NHSL2: variants seen among roughly 807,000 people sequenced by gnomAD.
NHSL2 encodes the protein NHS-like protein 2.
In NHSL2, 27 loss-of-function variants were observed where a neutral mutation model predicts 53.4. That is an observed-to-expected ratio of 0.51 (90% CI 0.37 to 0.70). The LOEUF (loss-of-function observed/expected upper bound fraction) is 0.70. NHSL2 is among the 30% of genes least tolerant of loss of function. The probability of loss-of-function intolerance (pLI) is 0.00; values close to 1 mark genes in which losing one functional copy is unlikely to be tolerated. For missense variants in NHSL2, 892 were observed against 980.1 expected (o/e 0.91, Z 1.20); for synonymous variants, 408 against 404.1 (o/e 1.01, Z -0.12).
At chrX:71,984,612 A>G (rs2041994837) in intron 1 of NHSL2, among the ~76,000 whole-genome samples, 1 of 111,881 alleles carries the variant, frequency 8.9e-6, no homozygotes, top group African/African-American at 3.2e-5. Flanking sequence ...CTTAAAAACA[A>G]CTAATGAGAC....
intron 1 of NHSL2, among the ~76,000 whole-genome samples, chrX:71,923,097 G>A: frequency 8.9e-6 from 1 of 111,763 alleles, no homozygotes. Flanking sequence ...TAGTGAAGGA[G>A]AAGGTTCTCT....
At chrX:72,056,547 T>C (rs891779823) in intron 1 of NHSL2, among the ~76,000 whole-genome samples, 3 of 107,750 alleles carry the variant, frequency 2.8e-5, no homozygotes, top group African/African-American at 1.1e-4. Context: ...TTATTTAACG[T>C]CTGCGCACAC....
Position 72,134,673 on chromosome X carries a change from G to T in NHSL2, c.729G>T (p.Thr243=), listed in dbSNP as rs180677846. The T allele has an allele frequency of 1.6e-4, 187 of 1,165,529 alleles. No homozygotes were observed. Among genetic ancestry groups the T allele is most frequent in the Non-Finnish European group, 2.0e-4 (177 of 871,460 alleles). Residue 243 remains threonine, a synonymous_variant, in exon 4 of 8, where the codon ACG becomes ACT. Coordinates refer to ENST00000633930, the MANE Select transcript of NHSL2 (RefSeq NM_001013627.3). The stretch of plus-strand genomic sequence containing the variant: ...AGCGGTGGCCTCAGCTTTGCTCCAC[G>T]CAGTCTGACATTGTGCCCATCAACA... ...EEKRWPQLCS[T]QSDIVPINIS...
intron 1 of NHSL2, among the ~76,000 whole-genome samples, chrX:72,100,252 C>T (rs753152507): frequency 2.7e-5 from 3 of 111,876 alleles, no homozygotes; most frequent in Non-Finnish European, 5.6e-5. Context: ...AGTGTACTTA[C>T]ACAGACCTAG....
At position 71,946,367 on chromosome X, in the gene NHSL2, C is replaced by T. The variant is rs1156259736; in HGVS notation, c.280+35000C>T. Among the ~76,000 whole-genome samples the T allele has an allele frequency of 3.6e-5, 4 of 112,143 alleles. 1 individual carries two copies. Among genetic ancestry groups the T allele is most frequent in the Admixed American group, 2.8e-4 (3 of 10,603 alleles). On this transcript the variant is annotated intron_variant, in intron 1 of 7. Coordinates refer to ENST00000633930, the MANE Select transcript of NHSL2 (RefSeq NM_001013627.3). ...AGAATTTTGCAAGCTGGTTATCAGA[C>T]CATTGGTCACTTCAAATTGGGTCAT...
chrX:71,915,336 G>A (rs915882415), intron 1 of NHSL2, among the ~76,000 whole-genome samples: 1 of 111,044 alleles, frequency 9.0e-6, no homozygotes, highest in African/African-American at 3.3e-5. Flanking sequence ...ATCTGTTCCT[G>A]TACCTCTCTG....
chrX:72,069,385 G>A (rs994695620), intron 1 of NHSL2, among the ~76,000 whole-genome samples: 8 of 108,802 alleles, frequency 7.4e-5, no homozygotes, highest in African/African-American at 2.0e-4. Flanking sequence ...GAGCAAGGGG[G>A]AGGGGGAAAG....
chrX:72,038,096 A>G (rs761971756), intron 1 of NHSL2, among the ~76,000 whole-genome samples: 1 of 112,120 alleles, frequency 8.9e-6, no homozygotes, highest in Non-Finnish European at 1.9e-5. Context: ...TCTGGGACCT[A>G]GTCACATTTC....
chrX:71,945,644 C>T (rs2041788983), intron 1 of NHSL2, among the ~76,000 whole-genome samples: 1 of 112,049 alleles, frequency 8.9e-6, no homozygotes, highest in Non-Finnish European at 1.9e-5. Flanking sequence ...TAAGAGTTTA[C>T]TGAAGGAGAT....
At chrX:71,978,676 G>A (rs1346112090) in intron 1 of NHSL2, among the ~76,000 whole-genome samples, 1 of 108,154 alleles carries the variant, frequency 9.2e-6, no homozygotes, top group East Asian at 2.9e-4. Context: ...CCTATCTTGG[G>A]CTCACATCTT....
chrX:71,938,542 T>A (rs2041750238), intron 1 of NHSL2, among the ~76,000 whole-genome samples: 1 of 112,460 alleles, frequency 8.9e-6, no homozygotes, highest in Non-Finnish European at 1.9e-5. Context: ...GATTGGATTT[T>A]GTGCAGAGTG....
intron 1 of NHSL2, among the ~76,000 whole-genome samples, chrX:72,011,205 T>G (rs954193659): frequency 8.9e-6 from 1 of 112,245 alleles, no homozygotes; most frequent in Non-Finnish European, 1.9e-5. Flanking sequence ...ATTCACCCAC[T>G]GAAGGGCATG....
At chrX:72,099,029 AAG>A (rs2041968693) in intron 1 of NHSL2, among the ~76,000 whole-genome samples, 1 of 112,363 alleles carries the variant, frequency 8.9e-6, no homozygotes, top group African/African-American at 3.2e-5. Flanking sequence ...TTTCTACTCA[AAG>A]AGATATCCTT....
intron 1 of NHSL2, among the ~76,000 whole-genome samples, chrX:71,978,342 T>A (rs2041958109): frequency 8.9e-6 from 1 of 112,151 alleles, no homozygotes; most frequent in African/African-American, 3.2e-5. Context: ...CCCTTGGACC[T>A]GCCAACCCCT....
intron 1 of NHSL2, among the ~76,000 whole-genome samples, chrX:72,074,760 A>G (rs1006727947): frequency 1.8e-5 from 2 of 112,835 alleles, no homozygotes; most frequent in African/African-American, 6.4e-5. Flanking sequence ...ATAAAGTGTA[A>G]CATGCAAAAG....
intron 1 of NHSL2, among the ~76,000 whole-genome samples, chrX:71,972,449 C>T (rs1315351018): frequency 8.9e-6 from 1 of 112,620 alleles, no homozygotes; most frequent in Non-Finnish European, 1.9e-5. Context: ...CTTCTGCTCT[C>T]CGCTGTTTCT....
chrX:72,094,612 G>T (rs751815863), intron 1 of NHSL2, among the ~76,000 whole-genome samples: 4 of 110,822 alleles, frequency 3.6e-5, no homozygotes, highest in Admixed American at 9.6e-5. Flanking sequence ...TCAGAGAGAT[G>T]GATAACCTCC....
At chrX:72,086,545 G>A (rs1359250687) in intron 1 of NHSL2, among the ~76,000 whole-genome samples, 1 of 110,355 alleles carries the variant, frequency 9.1e-6, no homozygotes, top group Non-Finnish European at 1.9e-5. Flanking sequence ...TTAGCTGGGT[G>A]TGGTGGCAGG....
chrX:72,065,982 C>T (rs770569432), intron 1 of NHSL2, among the ~76,000 whole-genome samples: 1 of 112,101 alleles, frequency 8.9e-6, no homozygotes, highest in Non-Finnish European at 1.9e-5. Flanking sequence ...GTGGACTTGA[C>T]ACTTTAGACA....
Sources: allele counts gnomAD v4.1 joint callset (sites outside exome capture counted in the v4.1 genomes callset), GRCh38; gene constraint gnomAD v4.1.1; transcripts MANE v1.5; gene names NCBI Gene and HGNC (gene_info 2026-07-23, HGNC 2026-07-21).